SGCZ: variants seen among roughly 807,000 people sequenced by gnomAD.
The protein encoded by SGCZ is zeta-sarcoglycan.
In SGCZ, 40 loss-of-function variants were observed where a neutral mutation model predicts 41.3. The ratio of observed to expected loss-of-function variants is 0.97; its 90% confidence interval spans 0.75 to 1.26. The LOEUF (loss-of-function observed/expected upper bound fraction) is 1.26, where lower values mean the gene tolerates loss of function less well. Ranked by LOEUF, SGCZ falls within the 50% of genes most tolerant of loss-of-function variation. The pLI, the probability that SGCZ is intolerant of heterozygous loss-of-function variation, is 0.00. For missense variants in SGCZ, 552 were observed against 369.8 expected (o/e 1.49, Z -4.04); for synonymous variants, 206 against 137.5 (o/e 1.50, Z -3.49).
intron 1 of SGCZ, among the ~76,000 whole-genome samples, chr8:14,763,954 AAGT>A (rs773794618): frequency 2.0e-5 from 3 of 152,206 alleles, no homozygotes; most frequent in Non-Finnish European, 4.4e-5. Context: ...TGCGGTAATC[AAGT>A]AGTTATGGGT....
At chr8:14,777,512 A>G (rs547624360) in intron 1 of SGCZ, among the ~76,000 whole-genome samples, 1 of 152,214 alleles carries the variant, frequency 6.6e-6, no homozygotes, top group East Asian at 1.9e-4. Context: ...TTTCTAGTTG[A>G]AGATCCAATC....
chr8:15,114,979 T>C (rs1418955969), intron 1 of SGCZ, among the ~76,000 whole-genome samples: 1 of 152,156 alleles, frequency 6.6e-6, no homozygotes, highest in African/African-American at 2.4e-5. Flanking sequence ...CAAGCAAGCT[T>C]ACAAAATAAT....
At chr8:15,173,024 T>C (rs1448215945) in intron 1 of SGCZ, among the ~76,000 whole-genome samples, 1 of 152,242 alleles carries the variant, frequency 6.6e-6, no homozygotes, top group African/African-American at 2.4e-5. Context: ...AATTCACTAA[T>C]TATAACATTC....
At chr8:14,887,353 T>C (rs1044307703) in intron 1 of SGCZ, among the ~76,000 whole-genome samples, 1 of 152,206 alleles carries the variant, frequency 6.6e-6, no homozygotes, top group Non-Finnish European at 1.5e-5. Flanking sequence ...GATTCATACA[T>C]ATAAATTATT....
intron 1 of SGCZ, among the ~76,000 whole-genome samples, chr8:15,154,911 A>C (rs1799286474): frequency 6.6e-6 from 1 of 152,210 alleles, no homozygotes; most frequent in African/African-American, 2.4e-5. Flanking sequence ...GTTCTACAGC[A>C]GTGTAGGGTA....
intron 1 of SGCZ, among the ~76,000 whole-genome samples, chr8:14,868,717 T>TA (rs1396998049): frequency 2.6e-5 from 4 of 152,148 alleles, no homozygotes; most frequent in Non-Finnish European, 5.9e-5. Context: ...TATATGAACA[T>TA]ATCTTCTTAT....
intron 2 of SGCZ, among the ~76,000 whole-genome samples, chr8:14,528,341 G>A (rs1276673115): frequency 2.0e-5 from 3 of 152,052 alleles, no homozygotes; most frequent in Non-Finnish European, 2.9e-5. Context: ...GACAGGACAG[G>A]ACTTCAGTAA....
At chr8:14,525,629 G>C (rs1387503718) in intron 2 of SGCZ, among the ~76,000 whole-genome samples, 2 of 151,900 alleles carry the variant, frequency 1.3e-5, no homozygotes, top group Non-Finnish European at 2.9e-5. Flanking sequence ...TCTTGACCTA[G>C]TCACATCAAA....
intron 1 of SGCZ, among the ~76,000 whole-genome samples, chr8:14,864,881 G>C (rs1803873108): frequency 6.6e-6 from 1 of 152,002 alleles, no homozygotes; most frequent in African/African-American, 2.4e-5. Flanking sequence ...GGTTGAGATA[G>C]TATCCTATAT....
chr8:14,623,511 G>A (rs553079315), intron 1 of SGCZ, among the ~76,000 whole-genome samples: 2 of 152,194 alleles, frequency 1.3e-5, no homozygotes, highest in Admixed American at 6.6e-5. Flanking sequence ...GAAAAGGACA[G>A]GAGGGGAAAA....
Position 14,324,132 on chromosome 8 carries a change from A to G in SGCZ, c.307T>C (p.Leu103=), listed in dbSNP as rs376976858. The G allele has an allele frequency of 1.6e-5, 26 of 1,612,614 alleles. No individual in the cohort carries two copies. The highest frequency in any genetic ancestry group is 2.0e-5 in the Non-Finnish European group (24 of 1,179,260). The change falls in exon 3 of 8, where the codon TTG becomes CTG. Residue 103 remains leucine (L), a synonymous_variant. Coordinates refer to ENST00000382080, the MANE Select transcript of SGCZ (RefSeq NM_139167.4). ...LEGISEFLLP[L]YVKEIHSRKD... ...CGAGAATGAATTTCTTTCACATACA[A>G]TGGAAGTAGAAACTCAGATATACCT...
At chr8:15,131,234 G>A (rs541192566) in intron 1 of SGCZ, among the ~76,000 whole-genome samples, 2 of 152,132 alleles carry the variant, frequency 1.3e-5, no homozygotes, top group African/African-American at 2.4e-5. Flanking sequence ...AGGGCCCAGT[G>A]GGAGATAACT....
At chr8:14,779,725 G>T (rs1480109114) in intron 1 of SGCZ, among the ~76,000 whole-genome samples, 1 of 152,140 alleles carries the variant, frequency 6.6e-6, no homozygotes, top group Non-Finnish European at 1.5e-5. Context: ...TAAAGATAGG[G>T]TTTAGTTGGT....
At chr8:14,945,652 G>A (rs1044892008) in intron 1 of SGCZ, among the ~76,000 whole-genome samples, 6 of 150,014 alleles carry the variant, frequency 4.0e-5, no homozygotes, top group Non-Finnish European at 7.4e-5. Context: ...CAGACTGAGG[G>A]GGGAGATCTA....
intron 1 of SGCZ, among the ~76,000 whole-genome samples, chr8:15,107,995 T>C (rs1806896184): frequency 6.6e-6 from 1 of 152,184 alleles, no homozygotes; most frequent in Non-Finnish European, 1.5e-5. Context: ...TGATCTCATT[T>C]CGAATTTATA....
At chr8:14,720,544 G>T (rs184181396) in intron 1 of SGCZ, among the ~76,000 whole-genome samples, 2 of 152,036 alleles carry the variant, frequency 1.3e-5, no homozygotes, top group Non-Finnish European at 2.9e-5. Flanking sequence ...GGTTCACTCT[G>T]TATCAGTGGT....
intron 1 of SGCZ, among the ~76,000 whole-genome samples, chr8:15,054,083 A>C (rs1026652347): frequency 2.0e-5 from 3 of 152,246 alleles, no homozygotes; most frequent in Admixed American, 1.3e-4. Flanking sequence ...GTACCTTGAC[A>C]ATAACTAGGC....
rs544966941 is a variant in SGCZ, at chr8:14,574,270, T to C, written c.40-19344A>G. On this transcript the variant is annotated intron_variant, in intron 1 of 7. Transcript: ENST00000382080. ...TCAGAAGCAAAGATTCTTGCTGACTTTGTCCTACCCTCAATCTGCCACCCT... is the reference window on the plus strand; with the variant it reads ...TCAGAAGCAAAGATTCTTGCTGACTCTGTCCTACCCTCAATCTGCCACCCT... Among the ~76,000 whole-genome samples, 3 of 152,244 alleles carry C rather than the reference T, an allele frequency of 2.0e-5. No homozygotes were observed. The East Asian group carries it at 5.8e-4, about 30-fold the overall frequency.
intron 2 of SGCZ, among the ~76,000 whole-genome samples, chr8:14,439,310 AAT>A (rs57569373): frequency 2.1e-4 from 30 of 142,672 alleles, no homozygotes; most frequent in South Asian, 8.8e-4. Flanking sequence ...AGAAGAAAGA[AAT>A]ATATATATAT....
Sources: allele counts gnomAD v4.1 joint callset (sites outside exome capture counted in the v4.1 genomes callset), GRCh38; gene constraint gnomAD v4.1.1; transcripts MANE v1.5; gene names NCBI Gene and HGNC (gene_info 2026-07-23, HGNC 2026-07-21).